The following POLE4 variants were observed in gnomAD, a reference collection of about 807,000 sequenced individuals.
The protein encoded by POLE4 is DNA polymerase epsilon 4, accessory subunit.
In POLE4, 15 loss-of-function variants were observed where a neutral mutation model predicts 15.6. That is an observed-to-expected ratio of 0.96 (90% CI 0.64 to 1.48). The LOEUF is 1.48. Ranked by LOEUF, POLE4 falls within the 40% of genes most tolerant of loss-of-function variation. POLE4 has a pLI of 0.00. For synonymous variants in POLE4, 83 were observed against 63.2 expected (o/e 1.31, Z -1.49); for missense variants, 205 against 151.9 (o/e 1.35, Z -1.84).
intron 3 of POLE4, among the ~76,000 whole-genome samples, chr2:74,963,591 C>T (rs909847079): frequency 2.0e-5 from 3 of 152,102 alleles, no homozygotes; most frequent in Non-Finnish European, 2.9e-5. Flanking sequence ...GCAGCCCCCC[C>T]TCCCACGTTC....
intron 3 of POLE4, chr2:74,960,518 C>G: frequency 2.1e-6 from 1 of 477,370 alleles, no homozygotes. Flanking sequence ...ACCGCTTGTT[C>G]TTTTTTCTTC....
rs201849855 is a variant in POLE4, at chr2:74,958,808, G to A, written c.129G>A (p.Leu43=). 1.9e-4 allele frequency: 303 copies of A among 1,555,484 alleles called. 1 individual carries two copies. The East Asian group carries it at 6.1e-3, about 31-fold the overall frequency. The change falls in exon 1 of 4, where the codon CTG becomes CTA. Residue 43 remains leucine (L), a synonymous_variant. Coordinates refer to ENST00000483063, the MANE Select transcript of POLE4 (RefSeq NM_019896.4). ...VPGARLSRLP[L]ARVKALVKAD... is the part of the protein sequence containing the mutation. ...GGGCTCGTCTCTCGAGGTTGCCTCT[G>A]GCGCGAGTGAAGGCCTTGGTGAAGG...
intron 3 of POLE4, chr2:74,961,569 A>G (rs1671221128): frequency 6.6e-6 from 1 of 152,198 alleles, no homozygotes; most frequent in African/African-American, 2.4e-5. Flanking sequence ...TCAGATTTGT[A>G]TTTTAAGTGC....
chr2:74,966,409 T>G (rs1671296872), intron 3 of POLE4, among the ~76,000 whole-genome samples: 1 of 152,202 alleles, frequency 6.6e-6, no homozygotes, highest in Admixed American at 6.5e-5. Flanking sequence ...CTTTCTGGAT[T>G]ATTATTATTT....
chr2:74,963,230 G>A (rs1027902192), intron 3 of POLE4, among the ~76,000 whole-genome samples: 5 of 152,204 alleles, frequency 3.3e-5, no homozygotes, highest in Middle Eastern at 3.4e-3. Context: ...TCCAATTCAC[G>A]TTCCTACCAG....
At chr2:74,959,099 A>T in intron 1 of POLE4, 3 of 611,160 alleles carry the variant, frequency 4.9e-6, no homozygotes, top group Non-Finnish European at 8.7e-6. Flanking sequence ...ATAGTGAGTG[A>T]CTTTAATTTG....
intron 3 of POLE4, among the ~76,000 whole-genome samples, chr2:74,963,245 G>A (rs1401331479): frequency 3.3e-5 from 5 of 152,172 alleles, no homozygotes; most frequent in African/African-American, 1.2e-4. Context: ...TACCAGCAGT[G>A]CATGATAATT....
intron 3 of POLE4, among the ~76,000 whole-genome samples, chr2:74,966,289 G>T (rs11887342): frequency 0.026 from 3,898 of 152,018 alleles, 160 homozygotes; most frequent in African/African-American, 0.089. Context: ...TGCTGTTATT[G>T]TCATGTATTT....
intron 3 of POLE4, among the ~76,000 whole-genome samples, chr2:74,966,815 A>G (rs1671302637): frequency 6.6e-6 from 1 of 152,078 alleles, no homozygotes; most frequent in Admixed American, 6.5e-5. Flanking sequence ...TTTTTTTCTT[A>G]TGAAAATGCC....
intron 3 of POLE4, among the ~76,000 whole-genome samples, chr2:74,967,963 G>C (rs1671318917): frequency 6.6e-6 from 1 of 152,206 alleles, no homozygotes; most frequent in Non-Finnish European, 1.5e-5. Flanking sequence ...AGAAAGATGG[G>C]TGTCAGACTT....
Position 74,958,847 on chromosome 2 carries a change from G to T in POLE4, c.168G>T (p.Val56=), listed in dbSNP as rs142493904. Residue 56 remains valine, a synonymous_variant, in exon 1 of 4, where the codon GTG becomes GTT. Transcript: ENST00000483063. The part of the protein sequence containing the change: ...VKALVKADPD[V]TLAGQEAIFI... ...CCTTGGTGAAGGCAGATCCCGACGT[G>T]ACGCTAGCGGGACAGGAAGCCATCT... 1.3e-6 allele frequency: 2 copies of T among 1,561,448 alleles called. No homozygotes were observed. Among genetic ancestry groups the T allele is most frequent in the Non-Finnish European group, 8.7e-7 (1 of 1,152,868 alleles).
intron 3 of POLE4, among the ~76,000 whole-genome samples, chr2:74,967,772 A>G (rs909314067): frequency 2.6e-5 from 4 of 152,186 alleles, no homozygotes; most frequent in Non-Finnish European, 5.9e-5. Context: ...GAAAATTTCC[A>G]TTTGCTCCTG....
In POLE4 at chr2:74,958,702, G is replaced by A; in HGVS notation, c.23G>A (p.Gly8Glu). Reference protein sequence around the residue: MAAAAAAGSGTPREEEGP... With the variant: MAAAAAAESGTPREEEGP... ...GGGATGGCGGCGGCGGCGGCGGCAG[G>A]AAGCGGGACGCCCCGAGAGGAGGAG... The change falls in exon 1 of 4, where the codon GGA (glycine) becomes GAA (glutamate). Residue 8 changes from glycine (G) to glutamate (E), a missense_variant. Coordinates refer to ENST00000483063, the MANE Select transcript of POLE4 (RefSeq NM_019896.4). 3 of 1,477,480 alleles carry A rather than the reference G, an allele frequency of 2.0e-6. No individual in the cohort carries two copies. The highest frequency in any genetic ancestry group is 1.5e-5 in the African/African-American group (1 of 66,604). 91.5% of individuals were successfully genotyped at this position (1,477,480 alleles called of 1,614,324 possible).
chr2:74,968,895 C>A (rs1671328160), intron 3 of POLE4, among the ~76,000 whole-genome samples: 1 of 151,900 alleles, frequency 6.6e-6, no homozygotes, highest in African/African-American at 2.4e-5. Context: ...ATACTTTGAT[C>A]AGGTTTCTGT....
At position 74,958,689 on chromosome 2, in the gene POLE4, G is replaced by C. The variant is rs992594087; in HGVS notation, c.10G>C (p.Ala4Pro). The stretch of plus-strand genomic sequence containing the variant: ...CACGCTCAAGGCCGGGATGGCGGCG[G>C]CGGCGGCGGCAGGAAGCGGGACGCC... MAAAAAAGSGTPRE... is the reference protein window; with the variant it reads MAAPAAAGSGTPRE... Residue 4 changes from alanine (A) to proline (P), a missense_variant, in exon 1 of 4, where the codon GCG becomes CCG. By Grantham distance (27) the Ala-to-Pro change is conservative. Coordinates refer to ENST00000483063, the MANE Select transcript of POLE4 (RefSeq NM_019896.4). 2.7e-6 allele frequency: 4 copies of C among 1,467,042 alleles called. No homozygotes were observed. Among genetic ancestry groups the C allele is most frequent in the Middle Eastern group, 2.0e-4 (1 of 5,040 alleles). 90.9% of individuals were successfully genotyped at this position (1,467,042 alleles called of 1,614,324 possible).
chr2:74,967,583 C>T (rs1361470351), intron 3 of POLE4, among the ~76,000 whole-genome samples: 3 of 152,064 alleles, frequency 2.0e-5, no homozygotes, highest in African/African-American at 7.2e-5. Context: ...TTTTTGTTTG[C>T]TAGTCTGTGC....
At chr2:74,960,494 A>T in intron 3 of POLE4, 1 of 460,564 alleles carries the variant, frequency 2.2e-6, no homozygotes, top group Non-Finnish European at 4.2e-6. Context: ...ACAATTGTTA[A>T]CATTTAAAGG....
In POLE4 at chr2:74,969,765, C is replaced by T. The variant is rs1395855199; in HGVS notation, c.*343C>T. 1.2e-5 allele frequency: 3 copies of T among 256,038 alleles called. No individual in the cohort carries two copies. Among genetic ancestry groups the T allele is most frequent in the Non-Finnish European group, 2.3e-5 (3 of 131,290 alleles). The allele number at this position is 256,038 out of a possible 1,614,324, so 15.9% of individuals were successfully genotyped here. A position where few individuals can be genotyped will look rare whatever the true frequency, so the allele number is the denominator to read the frequency against. On this transcript the variant is annotated 3_prime_UTR_variant, in exon 4 of 4. Transcript: ENST00000483063. ...GTGTTTTATAATCTCGCCTTTGTTC[C>T]TACCCTGTGACTGGAGAGTCACCAT...
At chr2:74,962,580 A>G (rs1671236931) in intron 3 of POLE4, among the ~76,000 whole-genome samples, 1 of 152,196 alleles carries the variant, frequency 6.6e-6, no homozygotes, top group Non-Finnish European at 1.5e-5. Context: ...ATATGTTTGT[A>G]TGTGTATATG....
Sources: gnomAD v4.1 joint callset for allele counts (sites outside exome capture counted in the v4.1 genomes callset) on GRCh38, gnomAD v4.1.1 for gene constraint, MANE v1.5 for transcripts, NCBI Gene and HGNC (gene_info 2026-07-23, HGNC 2026-07-21) for gene names.